Variants in ATXN1 observed in about 807,000 individuals in gnomAD.
ATXN1 encodes ataxin 1, also known as ataxin-1.
In ATXN1, 8 loss-of-function variants were observed where a neutral mutation model predicts 56.4. The observed-to-expected ratio is 0.14, with a 90% CI of 0.08 to 0.26. The LOEUF (loss-of-function observed/expected upper bound fraction) is 0.26. ATXN1 is among the 10% of genes least tolerant of loss of function. ATXN1 has a pLI of 1.00. For missense variants in ATXN1, 987 were observed against 1,106.5 expected (o/e 0.89, Z 1.53); for synonymous variants, 514 against 494.6 (o/e 1.04, Z -0.52).
chr6:16,542,288 T>A (rs780250744), intron 4 of ATXN1, among the ~76,000 whole-genome samples: 1 of 152,204 alleles, frequency 6.6e-6, no homozygotes, highest in Non-Finnish European at 1.5e-5. Flanking sequence ...TGAGATTTCA[T>A]CACCGCATCC....
At chr6:16,309,622 G>C (rs1760342020) in intron 7 of ATXN1, among the ~76,000 whole-genome samples, 1 of 152,150 alleles carries the variant, frequency 6.6e-6, no homozygotes, top group African/African-American at 2.4e-5. Flanking sequence ...GTTTCAAGAA[G>C]GCCTAGCCCC....
At chr6:16,699,247 T>C (rs932388077) in intron 2 of ATXN1, among the ~76,000 whole-genome samples, 2 of 152,240 alleles carry the variant, frequency 1.3e-5, no homozygotes, top group African/African-American at 4.8e-5. Flanking sequence ...AGCAAAATGT[T>C]GCTGTCATCC....
intron 4 of ATXN1, among the ~76,000 whole-genome samples, chr6:16,549,845 G>A (rs1277944081): frequency 4.3e-5 from 6 of 140,408 alleles, no homozygotes; most frequent in South Asian, 2.2e-4. Context: ...GTGGTGAGCC[G>A]AGATCGCACC....
chr6:16,310,575 C>T (rs1042464612), intron 7 of ATXN1, among the ~76,000 whole-genome samples: 1 of 152,140 alleles, frequency 6.6e-6, no homozygotes, highest in Non-Finnish European at 1.5e-5. Flanking sequence ...CTCCGCCTCC[C>T]GGGTTCAAGC....
At chr6:16,454,715 C>A (rs1759830828) in intron 6 of ATXN1, among the ~76,000 whole-genome samples, 1 of 152,218 alleles carries the variant, frequency 6.6e-6, no homozygotes, top group Non-Finnish European at 1.5e-5. Flanking sequence ...GAGGTCAAAA[C>A]AACCTTTGTA....
At chr6:16,569,725 T>G (rs947281472) in intron 4 of ATXN1, among the ~76,000 whole-genome samples, 1 of 152,130 alleles carries the variant, frequency 6.6e-6, no homozygotes, top group African/African-American at 2.4e-5. Flanking sequence ...AGTTTCCCTG[T>G]ACTCCTTGAC....
intron 6 of ATXN1, among the ~76,000 whole-genome samples, chr6:16,389,193 C>T (rs777568665): frequency 2.6e-5 from 4 of 152,036 alleles, no homozygotes; most frequent in Non-Finnish European, 4.4e-5. Context: ...AAAAATTAGC[C>T]GGGCGTGGTG....
At chr6:16,654,561 AAAAAAGAG>A (rs1263314776) in intron 3 of ATXN1, among the ~76,000 whole-genome samples, 29 of 32,410 alleles carry the variant, frequency 8.9e-4, no homozygotes, top group African/African-American at 6.4e-3. Flanking sequence ...AAAAAAAAAA[AAAAAAGAG>A]AGAGAGAGAG....
intron 2 of ATXN1, among the ~76,000 whole-genome samples, chr6:16,669,537 A>C (rs896071092): frequency 2.6e-5 from 4 of 152,162 alleles, no homozygotes; most frequent in African/African-American, 4.8e-5. Flanking sequence ...TCCATCCGGC[A>C]GACCCCCTTG....
chr6:16,677,933 T>C (rs1758721652), intron 2 of ATXN1, among the ~76,000 whole-genome samples: 1 of 152,214 alleles, frequency 6.6e-6, no homozygotes, highest in African/African-American at 2.4e-5. Flanking sequence ...GAAAAGTGTT[T>C]GGTGCACTCG....
chr6:16,520,408 A>C (rs1196198337), intron 5 of ATXN1, among the ~76,000 whole-genome samples: 1 of 152,184 alleles, frequency 6.6e-6, no homozygotes. Flanking sequence ...GAATGTCAAC[A>C]TCAAAGTGCT....
chr6:16,364,479 A>G (rs1163562314), intron 6 of ATXN1, among the ~76,000 whole-genome samples: 1 of 151,948 alleles, frequency 6.6e-6, no homozygotes. Context: ...AATTTTTTGT[A>G]TTTTTAGTAG....
intron 4 of ATXN1, among the ~76,000 whole-genome samples, chr6:16,582,587 G>C (rs756322427): frequency 2.0e-5 from 3 of 152,158 alleles, no homozygotes; most frequent in Non-Finnish European, 2.9e-5. Context: ...TTGCAGATAG[G>C]TCTTGTACAT....
At chr6:16,346,819 G>A (rs1192744129) in intron 6 of ATXN1, among the ~76,000 whole-genome samples, 1 of 152,210 alleles carries the variant, frequency 6.6e-6, no homozygotes, top group East Asian at 1.9e-4. Context: ...CTGCACTGTG[G>A]GACCTCTTTC....
At chr6:16,521,483 G>A (rs981802258) in intron 5 of ATXN1, among the ~76,000 whole-genome samples, 9 of 152,164 alleles carry the variant, frequency 5.9e-5, no homozygotes, top group Admixed American at 2.0e-4. Flanking sequence ...GCGTGAACCC[G>A]GGAGGCGGAG....
chr6:16,674,292 C>T (rs1039205904), intron 2 of ATXN1, among the ~76,000 whole-genome samples: 6 of 150,686 alleles, frequency 4.0e-5, no homozygotes, highest in East Asian at 2.0e-4. Context: ...GCTACAGAGG[C>T]GACAGAGGTC....
chr6:16,718,059 A>G (rs2113465141), intron 2 of ATXN1, among the ~76,000 whole-genome samples: 2 of 152,388 alleles, frequency 1.3e-5, no homozygotes, highest in East Asian at 3.9e-4. Context: ...AAATATCCAC[A>G]GTACCAATTA....
At chr6:16,469,745 C>T (rs1760179567) in intron 6 of ATXN1, among the ~76,000 whole-genome samples, 1 of 152,076 alleles carries the variant, frequency 6.6e-6, no homozygotes, top group Admixed American at 6.5e-5. Context: ...AGGCAGATCA[C>T]CTGAGGTCAG....
chr6:16,355,246 T>C (rs556799646), intron 6 of ATXN1, among the ~76,000 whole-genome samples: 5 of 152,308 alleles, frequency 3.3e-5, no homozygotes, highest in African/African-American at 1.2e-4. Flanking sequence ...CGCTGTACTT[T>C]TGCACAAACT....
Sources: gnomAD v4.1 joint callset for allele counts (sites outside exome capture counted in the v4.1 genomes callset) on GRCh38, gnomAD v4.1.1 for gene constraint, MANE v1.5 for transcripts, NCBI Gene and HGNC (gene_info 2026-07-23, HGNC 2026-07-21) for gene names.